Variants in RPUSD2 observed in about 807,000 individuals in gnomAD.
RPUSD2 encodes the protein RNA pseudouridine synthase domain containing 2.
A neutral mutation model predicts 41.5 loss-of-function variants in RPUSD2; 31 were observed. That is an observed-to-expected ratio of 0.75 (90% confidence interval 0.56 to 1.01). The LOEUF (loss-of-function observed/expected upper bound fraction) is 1.01. RPUSD2 is among the 50% of genes least tolerant of loss of function. The probability of loss-of-function intolerance (pLI) is 0.00; values close to 1 mark genes in which losing one functional copy is unlikely to be tolerated. For missense variants in RPUSD2, 749 were observed against 724.7 expected, an observed-to-expected ratio of 1.03 and a Z score of -0.38; for synonymous variants, 305 against 289.7, an observed-to-expected ratio of 1.05 and a Z score of -0.54.
chr15:40,573,182 G>C (rs1028692873), intron 2 of RPUSD2, among the ~76,000 whole-genome samples: 1 of 151,902 alleles, frequency 6.6e-6, no homozygotes, highest in Non-Finnish European at 1.5e-5. Flanking sequence ...GCGCCACCAC[G>C]CCTGGCTAAT....
chr15:40,570,338 A>G (rs964878455), intron 1 of RPUSD2, among the ~76,000 whole-genome samples: 1 of 152,248 alleles, frequency 6.6e-6, no homozygotes, highest in Non-Finnish European at 1.5e-5. Flanking sequence ...GCTGGGCACA[A>G]AGTTAAACAT....
chr15:40,571,691 G>A lies in RPUSD2; in HGVS notation c.694G>A (p.Val232Met), dbSNP rs142511526. 1.5e-5 allele frequency: 25 copies of A among 1,613,688 alleles called. No homozygotes were observed. The African/African-American group carries it at 2.8e-4, about 18-fold the overall frequency. The change falls in exon 2 of 3, where the codon GTG becomes ATG. Residue 232 changes from valine to methionine, a missense_variant. Coordinates refer to ENST00000315616, the MANE Select transcript of RPUSD2 (RefSeq NM_152260.3). ...PIRLLAENED[V>M]VVVDKPSSIP... ...TCGCCTGCTAGCTGAGAACGAAGAT[G>A]TGGTGGTTGTAGACAAGCCTTCCTC...
Position 40,573,605 on chromosome 15 carries a change from G to C in RPUSD2, c.982G>C (p.Val328Leu). Reference sequence around the variant, plus strand: ...GACCTGTAAAGAACCCATCTTAGTGGTGTCTTACAAAGTAGGGGTGTGCCG... The same window carrying C: ...GACCTGTAAAGAACCCATCTTAGTGCTGTCTTACAAAGTAGGGGTGTGCCG... Reference protein sequence around the residue: ...EVTCKEPILVVSYKVGVCRVD... With the variant: ...EVTCKEPILVLSYKVGVCRVD... Residue 328 changes from valine to leucine, a missense_variant, in exon 3 of 3, where the codon GTG (valine) becomes CTG (leucine). Coordinates refer to ENST00000315616, the MANE Select transcript of RPUSD2 (RefSeq NM_152260.3). 1 of 1,614,206 alleles carries C rather than the reference G, an allele frequency of 6.2e-7. No individual in the cohort carries two copies. Among genetic ancestry groups the C allele is most frequent in the Non-Finnish European group, 8.5e-7 (1 of 1,180,042 alleles).
chr15:40,569,903 T>A lies in RPUSD2; in HGVS notation c.566T>A (p.Leu189His). Reference protein sequence around the residue: ...EAAVRAGRLQLNEKPVQDLNI... With the variant: ...EAAVRAGRLQHNEKPVQDLNI... ...GCGGTCCGGGCGGGCCGCCTGCAAC[T>A]CAACGAGAAGCCGGTGCAGGACCTC... is the stretch of plus-strand genomic sequence containing the variant. Residue 189 changes from leucine (L) to histidine (H), a missense_variant, in exon 1 of 3, where the codon CTC becomes CAC. By Grantham distance (99) the Leu-to-His change is moderately conservative. Transcript: ENST00000315616. 6.4e-7 allele frequency: 1 copy of A among 1,569,806 alleles called. No homozygotes were observed. The highest frequency in any genetic ancestry group is 8.6e-7 in the Non-Finnish European group (1 of 1,157,850).
intron 2 of RPUSD2, among the ~76,000 whole-genome samples, chr15:40,572,298 C>T (rs944615468): frequency 6.6e-6 from 1 of 151,210 alleles, no homozygotes; most frequent in Admixed American, 6.6e-5. Flanking sequence ...CGCAGTGGCT[C>T]ACGCCTGTAA....
chr15:40,571,978 C>G, intron 2 of RPUSD2, 78 bp downstream of exon 2: 1 of 1,427,904 alleles, frequency 7.0e-7, no homozygotes, highest in Non-Finnish European at 9.5e-7. Context: ...TCATGGAGTT[C>G]CGAAGTGGTC....
At position 40,569,876 on chromosome 15, in the gene RPUSD2, C is replaced by T. The variant is rs768269490; in HGVS notation, c.539C>T (p.Ala180Val). Residue 180 changes from alanine to valine, a missense_variant, in exon 1 of 3, where the codon GCC (alanine) becomes GTC (valine). Physicochemically the swap from Ala to Val is moderately conservative, Grantham distance 64 (BLOSUM62 0). Coordinates refer to ENST00000315616, the MANE Select transcript of RPUSD2 (RefSeq NM_152260.3). Reference sequence around the variant, plus strand: ...GCTCAGCCCCTGGCCTACTATGAGGCCGCGGTCCGGGCGGGCCGCCTGCAA... The same window carrying T: ...GCTCAGCCCCTGGCCTACTATGAGGTCGCGGTCCGGGCGGGCCGCCTGCAA... ...FRAQPLAYYE[A>V]AVRAGRLQLN... 2.5e-6 allele frequency: 4 copies of T among 1,599,812 alleles called. No individual in the cohort carries two copies. Among genetic ancestry groups the T allele is most frequent in the East Asian group, 2.2e-5 (1 of 44,446 alleles).
At position 40,573,581 on chromosome 15, in the gene RPUSD2, A is replaced by G; in HGVS notation, c.958A>G (p.Thr320Ala). 6.2e-7 allele frequency: 1 copy of G among 1,614,156 alleles called. No individual in the cohort carries two copies. Among genetic ancestry groups the G allele is most frequent in the South Asian group, 1.1e-5 (1 of 91,086 alleles). ...AGGGGAGTTCCCCACTGAGGAAGTG[A>G]CCTGTAAAGAACCCATCTTAGTGGT... ...VEGEFPTEEV[T>A]CKEPILVVSY... The change falls in exon 3 of 3, where the codon ACC (threonine) becomes GCC (alanine). Residue 320 changes from threonine (T) to alanine (A), a missense_variant. Transcript: ENST00000315616.
At chr15:40,572,144 A>G (rs1891155534) in intron 2 of RPUSD2, among the ~76,000 whole-genome samples, 1 of 152,090 alleles carries the variant, frequency 6.6e-6, no homozygotes, top group East Asian at 1.9e-4. Context: ...AAGCTTTAAA[A>G]TGCTGACAAG....
intron 1 of RPUSD2, among the ~76,000 whole-genome samples, chr15:40,570,312 T>C (rs1265074668): frequency 6.6e-6 from 1 of 152,256 alleles, no homozygotes; most frequent in African/African-American, 2.4e-5. Context: ...CTATCATTTA[T>C]GTCTCTTTAC....
In RPUSD2 at chr15:40,573,816, G is replaced by C. The variant is rs781484718; in HGVS notation, c.1193G>C (p.Arg398Pro). 2 of 1,614,160 alleles carry C rather than the reference G, an allele frequency of 1.2e-6. No homozygotes were observed. Among genetic ancestry groups the C allele is most frequent in the East Asian group, 2.2e-5 (1 of 44,886 alleles). The change falls in exon 3 of 3, where the codon CGA (arginine) becomes CCA (proline). Residue 398 changes from arginine to proline, a missense_variant. Arg to Pro is a moderately radical substitution (Grantham distance 103). Transcript: ENST00000315616. ...IYNSVAWGPS[R>P]GRGGYIPKTN... ...AACTCAGTTGCCTGGGGTCCTTCTC[G>C]AGGCCGGGGCGGCTACATTCCCAAG...
Position 40,573,758 on chromosome 15 carries a change from T to C in RPUSD2, c.1135T>C (p.Leu379=). 1 of 1,614,258 alleles carries C rather than the reference T, an allele frequency of 6.2e-7. No homozygotes were observed. The highest frequency in any genetic ancestry group is 8.5e-7 in the Non-Finnish European group (1 of 1,180,046). ...THQIRVHLQF[L]GHPILNDPIY... The stretch of plus-strand genomic sequence containing the variant: ...CCAGATTCGAGTCCACCTTCAGTTC[T>C]TGGGCCATCCCATTCTCAACGACCC... Residue 379 remains leucine, a synonymous_variant, in exon 3 of 3, where the codon TTG becomes CTG. Coordinates refer to ENST00000315616, the MANE Select transcript of RPUSD2 (RefSeq NM_152260.3).
At chr15:40,571,987 TC>T in intron 2 of RPUSD2, 87 bp downstream of exon 2, 2 of 1,374,124 alleles carry the variant, frequency 1.5e-6, no homozygotes, top group South Asian at 2.7e-5. Context: ...TCCGAAGTGG[TC>T]CTTCATATTT....
rs200401603 is a variant in RPUSD2 at position 40,574,205 on chromosome 15, T to G, written c.1582T>G (p.Phe528Val). Residue 528 changes from phenylalanine (F) to valine (V), a missense_variant, in exon 3 of 3, where the codon TTT (phenylalanine) becomes GTT (valine). Coordinates refer to ENST00000315616, the MANE Select transcript of RPUSD2 (RefSeq NM_152260.3). The stretch of plus-strand genomic sequence containing the variant: ...TGCCCTACGCTATAAAGGGCCAGGC[T>G]TTGAGTACTTTTCACCAATGCCTGC... ...LHALRYKGPG[F>V]EYFSPMPAWA... The G allele has an allele frequency of 5.1e-5, 82 of 1,613,526 alleles. 1 individual carries two copies. In the East Asian group the frequency reaches 1.8e-3, roughly 35 times the overall value.
chr15:40,569,373 T>TG lies in RPUSD2; in HGVS notation c.38dup (p.His14ThrfsTer7). ...ACCGCCGCGGATGGCTCAGGGTTCTTGGACATTGGCGCTACGACCTTAGGC... is the reference window on the plus strand; with the variant it reads ...ACCGCCGCGGATGGCTCAGGGTTCTTGGGACATTGGCGCTACGACCTTAGGC... On this transcript the variant is annotated frameshift_variant, in exon 1 of 3. Transcript: ENST00000315616. LOFTEE classifies it high-confidence loss of function. The TG allele has an allele frequency of 6.6e-7, 1 of 1,514,720 alleles. No homozygotes were observed. 93.8% of individuals were successfully genotyped at this position (1,514,720 alleles called of 1,614,324 possible). A position where few individuals can be genotyped will look rare whatever the true frequency, so the allele number is the denominator to read the frequency against.
Position 40,569,884 on chromosome 15 carries a change from CG to C in RPUSD2, c.550del (p.Ala184ArgfsTer43). The C allele has an allele frequency of 1.3e-6, 2 of 1,586,504 alleles. No homozygotes were observed. The highest frequency in any genetic ancestry group is 2.3e-5 in the South Asian group (2 of 87,444). On this transcript the variant is annotated frameshift_variant, in exon 1 of 3. Transcript: ENST00000315616. LOFTEE classifies it high-confidence loss of function. ...QPLAYYEAAV[R>X]AGRLQLNEKP... ...CCTGGCCTACTATGAGGCCGCGGTC[CG>C]GGCGGGCCGCCTGCAACTCAACGAG...
Position 40,573,862 on chromosome 15 carries a change from G to A in RPUSD2, c.1239G>A (p.Arg413=). The change falls in exon 3 of 3, where the codon CGG becomes CGA. Residue 413 remains arginine (R), a synonymous_variant. Transcript: ENST00000315616. The part of the protein sequence containing the change: ...YIPKTNEELL[R]DLVAEHQAKQ... ...CCAAGACAAACGAGGAGTTGCTACGGGACCTGGTAGCAGAGCACCAGGCCA... is the reference window on the plus strand; with the variant it reads ...CCAAGACAAACGAGGAGTTGCTACGAGACCTGGTAGCAGAGCACCAGGCCA... The A allele has an allele frequency of 6.2e-7, 1 of 1,614,144 alleles. No homozygotes were observed. The highest frequency in any genetic ancestry group is 8.5e-7 in the Non-Finnish European group (1 of 1,180,020).
chr15:40,573,455 C>G, intron 2 of RPUSD2, 72 bp from the exon 3 acceptor site: 1 of 1,513,544 alleles, frequency 6.6e-7, no homozygotes, highest in Non-Finnish European at 8.9e-7. Flanking sequence ...TGGTCCTTAT[C>G]ACTCCACAAA....
Position 40,574,295 on chromosome 15 carries a change from TG to T in RPUSD2, c.*35del. 6.3e-7 allele frequency: 1 copy of T among 1,586,246 alleles called. No homozygotes were observed. Reference sequence around the variant, plus strand: ...CCAATGGAGGGATTGCTTCTTGGGTTGTGACAAGGATGGGCTATAGGGCAAG... The same window carrying T: ...CCAATGGAGGGATTGCTTCTTGGGTTTGACAAGGATGGGCTATAGGGCAAG... On this transcript the variant is annotated 3_prime_UTR_variant, in exon 3 of 3. Transcript: ENST00000315616.
Sources: allele counts gnomAD v4.1 joint callset (sites outside exome capture counted in the v4.1 genomes callset), GRCh38; gene constraint gnomAD v4.1.1; transcripts MANE v1.5; gene names NCBI Gene and HGNC (gene_info 2026-07-23, HGNC 2026-07-21).